The following LRMDA variants were observed in gnomAD, a reference collection of about 807,000 sequenced individuals.
LRMDA encodes the protein leucine rich melanocyte differentiation associated.
In LRMDA, 18 loss-of-function variants were observed where a neutral mutation model predicts 29.8. The observed-to-expected ratio is 0.60, with a 90% CI of 0.42 to 0.90. LRMDA has a LOEUF of 0.90. LRMDA is among the 40% of genes least tolerant of loss of function. LRMDA has a pLI of 0.00. For missense variants in LRMDA, 273 were observed against 273.9 expected, an observed-to-expected ratio of 1.00 and a Z score of 0.02; for synonymous variants, 125 against 109.4, an observed-to-expected ratio of 1.14 and a Z score of -0.89.
At chr10:75,785,431 A>G (rs894076060) in intron 2 of LRMDA, among the ~76,000 whole-genome samples, 24 of 152,160 alleles carry the variant, frequency 1.6e-4, no homozygotes, top group African/African-American at 5.5e-4. Flanking sequence ...CATGGTCACC[A>G]GGCTGCTTTT....
At chr10:76,337,580 G>T (rs1840984829) in intron 6 of LRMDA, among the ~76,000 whole-genome samples, 1 of 152,308 alleles carries the variant, frequency 6.6e-6, no homozygotes. Flanking sequence ...GGTCAGTGTG[G>T]CTGGAGTTAG....
intron 2 of LRMDA, among the ~76,000 whole-genome samples, chr10:75,627,698 A>C (rs564751142): frequency 6.6e-6 from 1 of 152,270 alleles, no homozygotes; most frequent in African/African-American, 2.4e-5. Context: ...ACAGAAATCT[A>C]CCTCTACCAC....
At chr10:75,528,017 C>A in intron 2 of LRMDA, among the ~76,000 whole-genome samples, 1 of 151,952 alleles carries the variant, frequency 6.6e-6, no homozygotes, top group East Asian at 1.9e-4. Context: ...AACTCCTGAG[C>A]TCAAGCAATC....
At chr10:76,247,624 C>CT (rs1407890254) in intron 5 of LRMDA, among the ~76,000 whole-genome samples, 2 of 152,008 alleles carry the variant, frequency 1.3e-5, no homozygotes, top group Non-Finnish European at 2.9e-5. Flanking sequence ...TGCATGAATC[C>CT]CCCCTGCCTC....
At chr10:76,351,348 T>C (rs1841174455) in intron 6 of LRMDA, among the ~76,000 whole-genome samples, 1 of 152,198 alleles carries the variant, frequency 6.6e-6, no homozygotes. Context: ...ATATAGTTTA[T>C]GTTTTAAAGT....
intron 2 of LRMDA, among the ~76,000 whole-genome samples, chr10:75,545,669 G>A (rs929817597): frequency 6.6e-6 from 1 of 152,164 alleles, no homozygotes; most frequent in Non-Finnish European, 1.5e-5. Context: ...CCAGAGAGGG[G>A]AGATTACCCA....
At chr10:75,900,534 G>C (rs1289301134) in intron 2 of LRMDA, among the ~76,000 whole-genome samples, 2 of 152,160 alleles carry the variant, frequency 1.3e-5, no homozygotes, top group Non-Finnish European at 2.9e-5. Flanking sequence ...GACTAGATTG[G>C]GGGAGGGGAA....
At chr10:76,410,423 C>T (rs1215105210) in intron 6 of LRMDA, among the ~76,000 whole-genome samples, 2 of 144,468 alleles carry the variant, frequency 1.4e-5, no homozygotes, top group Admixed American at 1.4e-4. Flanking sequence ...ATCCTCCCAT[C>T]TCAGCATCCT....
chr10:76,336,022 G>A (rs778935985), intron 6 of LRMDA, among the ~76,000 whole-genome samples: 2 of 143,070 alleles, frequency 1.4e-5, no homozygotes, highest in Non-Finnish European at 3.0e-5. Flanking sequence ...TATTAAGATA[G>A]TTGAGGGAGG....
intron 2 of LRMDA, among the ~76,000 whole-genome samples, chr10:75,951,858 C>T (rs1324537659): frequency 6.6e-6 from 1 of 152,184 alleles, no homozygotes; most frequent in African/African-American, 2.4e-5. Flanking sequence ...ATTTTTCAGA[C>T]TGACCAATTG....
intron 2 of LRMDA, among the ~76,000 whole-genome samples, chr10:75,564,972 A>C (rs547615925): frequency 4.6e-5 from 7 of 152,334 alleles, no homozygotes; most frequent in Non-Finnish European, 1.0e-4. Context: ...TGGTTGGTCC[A>C]TTTAGGATCA....
intron 2 of LRMDA, among the ~76,000 whole-genome samples, chr10:75,808,740 C>T (rs1843903624): frequency 6.6e-6 from 1 of 152,180 alleles, no homozygotes; most frequent in African/African-American, 2.4e-5. Context: ...GATCTCCTGA[C>T]CTCATGATCC....
intron 5 of LRMDA, among the ~76,000 whole-genome samples, chr10:76,170,566 A>G (rs921720347): frequency 6.6e-6 from 1 of 152,248 alleles, no homozygotes; most frequent in South Asian, 2.1e-4. Flanking sequence ...TAAAGCAGAG[A>G]TAATACTGCT....
intron 2 of LRMDA, among the ~76,000 whole-genome samples, chr10:75,993,003 G>A (rs776587031): frequency 1.3e-5 from 2 of 151,944 alleles, no homozygotes; most frequent in Non-Finnish European, 2.9e-5. Context: ...AATTAATAAG[G>A]TGGAAAAAAA....
chr10:76,416,310 G>A (rs138141544), intron 6 of LRMDA, among the ~76,000 whole-genome samples: 25 of 152,276 alleles, frequency 1.6e-4, no homozygotes, highest in African/African-American at 5.1e-4. Context: ...GCTGAGGTTC[G>A]TGTGGATATG....
intron 6 of LRMDA, among the ~76,000 whole-genome samples, chr10:76,395,508 C>A (rs1841773274): frequency 6.6e-6 from 1 of 152,218 alleles, no homozygotes; most frequent in Non-Finnish European, 1.5e-5. Context: ...AACATTGTCA[C>A]CTCATAACAC....
At chr10:75,862,210 A>ACG (rs1554830429) in intron 2 of LRMDA, among the ~76,000 whole-genome samples, 11 of 151,262 alleles carry the variant, frequency 7.3e-5, no homozygotes, top group East Asian at 3.9e-4. Context: ...ACACACACAC[A>ACG]CGCACTTAAG....
chr10:75,511,153 C>A (rs943812507), intron 2 of LRMDA, among the ~76,000 whole-genome samples: 2 of 152,050 alleles, frequency 1.3e-5, no homozygotes, highest in African/African-American at 4.8e-5. Flanking sequence ...CATGGCGAAA[C>A]CTCATCTCTA....
Position 75,972,310 on chromosome 10 carries a change from C to T in LRMDA, c.132-63698C>T, listed in dbSNP as rs190356206. ...TTTTTAATGAATATTTTTTAAAGAG[C>T]GAGAAAACCTCTCCTTAACCCCAGG... On this transcript the variant is annotated intron_variant, in intron 2 of 6. Transcript: ENST00000611255. 3.2e-4 allele frequency among the ~76,000 whole-genome samples: 49 copies of T among 151,158 alleles called. No individual in the cohort carries two copies. In the Middle Eastern group the frequency reaches 0.01, roughly 31 times the overall value.
Sources: allele counts gnomAD v4.1 joint callset (sites outside exome capture counted in the v4.1 genomes callset), GRCh38; gene constraint gnomAD v4.1.1; transcripts MANE v1.5; gene names NCBI Gene and HGNC (gene_info 2026-07-23, HGNC 2026-07-21).